Variants in GPHN observed in about 807,000 individuals in gnomAD.
The protein encoded by GPHN is gephyrin.
A neutral mutation model predicts 95.5 loss-of-function variants in GPHN; 17 were observed. The observed-to-expected ratio is 0.18, with a 90% CI of 0.12 to 0.27. GPHN has a LOEUF of 0.27. GPHN is among the 10% of genes least tolerant of loss of function. The pLI is 1.00. For synonymous variants in GPHN, 320 were observed against 322.5 expected, an observed-to-expected ratio of 0.99 and a Z score of 0.08; for missense variants, 660 against 978.1, an observed-to-expected ratio of 0.67 and a Z score of 4.34.
chr14:67,537,578 T>G, the GPHN span, among the ~76,000 whole-genome samples: 1 of 151,540 alleles, frequency 6.6e-6, no homozygotes, highest in Non-Finnish European at 1.5e-5. Context: ...GGTGGGAGGG[T>G]CACCTGAGCT....
intron 8 of GPHN, among the ~76,000 whole-genome samples, chr14:66,932,183 G>A (rs896307916): frequency 1.3e-5 from 2 of 152,114 alleles, no homozygotes; most frequent in South Asian, 2.1e-4. Flanking sequence ...AGATTACCAG[G>A]CAGAGTCTTG....
chr14:67,477,634 C>G, the GPHN span, among the ~76,000 whole-genome samples: 1 of 152,164 alleles, frequency 6.6e-6, no homozygotes, highest in African/African-American at 2.4e-5. Context: ...TTTCCTAAAT[C>G]AAACCCATGG....
the GPHN span, among the ~76,000 whole-genome samples, chr14:67,721,772 A>G: frequency 3.1e-4 from 46 of 150,196 alleles, no homozygotes; most frequent in African/African-American, 1.0e-3. Context: ...TATGTATAAC[A>G]CATATATATA....
At chr14:67,274,790 T>G in the GPHN span, among the ~76,000 whole-genome samples, 1 of 152,246 alleles carries the variant, frequency 6.6e-6, no homozygotes, top group Non-Finnish European at 1.5e-5. Flanking sequence ...TGTCCTCTTT[T>G]ACTTGGTTGA....
intron 8 of GPHN, among the ~76,000 whole-genome samples, chr14:66,957,396 G>A (rs145102155): frequency 7.5e-4 from 113 of 151,600 alleles, no homozygotes; most frequent in African/African-American, 2.5e-3. Flanking sequence ...GGGTTTTGCC[G>A]TGTTGACCAG....
At chr14:67,673,635 T>C in the GPHN span, among the ~76,000 whole-genome samples, 1 of 152,216 alleles carries the variant, frequency 6.6e-6, no homozygotes, top group Non-Finnish European at 1.5e-5. Context: ...CCTATGACCT[T>C]GAGTAATTCG....
At chr14:67,391,270 TATGTG>T in the GPHN span, among the ~76,000 whole-genome samples, 2 of 145,090 alleles carry the variant, frequency 1.4e-5, no homozygotes, top group African/African-American at 5.4e-5. Context: ...AAGCAGCTGA[TATGTG>T]TGTGTGTGTG....
the GPHN span, among the ~76,000 whole-genome samples, chr14:67,450,731 A>G: frequency 6.6e-6 from 1 of 152,252 alleles, no homozygotes; most frequent in Admixed American, 6.5e-5. Flanking sequence ...AGGGAAGCAG[A>G]GCATAAAAGT....
At chr14:67,224,556 G>A in the GPHN span, 36 of 204,860 alleles carry the variant, frequency 1.8e-4, no homozygotes, top group Non-Finnish European at 3.0e-4. Context: ...CACTGTGCCC[G>A]GCCCCATTTC....
At chr14:66,855,673 A>G (rs1304401080) in intron 4 of GPHN, among the ~76,000 whole-genome samples, 1 of 152,056 alleles carries the variant, frequency 6.6e-6, no homozygotes, top group Non-Finnish European at 1.5e-5. Context: ...TCATATGGCA[A>G]TTCTGTGTTT....
chr14:67,140,428 T>C (rs974465882), intron 17 of GPHN, among the ~76,000 whole-genome samples: 3 of 151,968 alleles, frequency 2.0e-5, no homozygotes, highest in African/African-American at 7.2e-5. Flanking sequence ...AAAGTACTTA[T>C]TTATAGTAAT....
intron 1 of GPHN, among the ~76,000 whole-genome samples, chr14:66,576,975 G>A (rs2060931343): frequency 2.0e-5 from 3 of 152,060 alleles, no homozygotes; most frequent in Non-Finnish European, 2.9e-5. Flanking sequence ...CAATGTCTGT[G>A]TCATTTACTT....
intron 1 of GPHN, among the ~76,000 whole-genome samples, chr14:66,670,521 A>G (rs1406434146): frequency 2.6e-5 from 4 of 151,272 alleles, no homozygotes; most frequent in Non-Finnish European, 4.4e-5. Flanking sequence ...TGCCAGGTAC[A>G]GTGGCTCATG....
intron 9 of GPHN, among the ~76,000 whole-genome samples, chr14:66,987,192 A>G (rs2071086274): frequency 1.3e-5 from 2 of 152,250 alleles, no homozygotes; most frequent in South Asian, 4.1e-4. Context: ...TCTGTGAGGT[A>G]TCATATTTTA....
At chr14:67,556,179 G>C in the GPHN span, among the ~76,000 whole-genome samples, 2 of 152,218 alleles carry the variant, frequency 1.3e-5, no homozygotes, top group Non-Finnish European at 2.9e-5. Context: ...TCCATTGAGG[G>C]TTAGCCAGTG....
At chr14:67,625,736 CA>C in the GPHN span, among the ~76,000 whole-genome samples, 116 of 118,348 alleles carry the variant, frequency 9.8e-4, no homozygotes, top group Non-Finnish European at 1.3e-3. Flanking sequence ...AATGAAAAAC[CA>C]AAAAAAAAAA....
the GPHN span, chr14:67,648,752 T>C: frequency 6.6e-6 from 1 of 152,352 alleles, no homozygotes; most frequent in Admixed American, 6.5e-5. Context: ...TGGCTACTTT[T>C]CCAAAACTCA....
At chr14:66,795,771 A>G (rs551411806) in intron 3 of GPHN, among the ~76,000 whole-genome samples, 2 of 152,352 alleles carry the variant, frequency 1.3e-5, no homozygotes, top group Non-Finnish European at 2.9e-5. Context: ...CATGCAATGC[A>G]TAATAGTCAC....
At chr14:66,816,444 AC>A (rs1393381826) in intron 3 of GPHN, among the ~76,000 whole-genome samples, 3 of 152,196 alleles carry the variant, frequency 2.0e-5, no homozygotes, top group Non-Finnish European at 4.4e-5. Context: ...TGAAATCATA[AC>A]AAACAATCTC....
Sources: allele counts gnomAD v4.1 joint callset (sites outside exome capture counted in the v4.1 genomes callset), GRCh38; gene constraint gnomAD v4.1.1; transcripts MANE v1.5; gene names NCBI Gene and HGNC (gene_info 2026-07-23, HGNC 2026-07-21).